The following LRRTM4 variants were observed in gnomAD, a reference collection of about 807,000 sequenced individuals.
LRRTM4 encodes leucine-rich repeat transmembrane neuronal protein 4.
LRRTM4 carries 25 observed loss-of-function variants against 47.6 expected under a neutral mutation model. The ratio of observed to expected loss-of-function variants is 0.53; its 90% CI spans 0.38 to 0.73. The LOEUF (loss-of-function observed/expected upper bound fraction) is 0.73, where lower values mean the gene tolerates loss of function less well. Ranked by LOEUF, LRRTM4 falls within the 30% of genes least tolerant of loss-of-function variation. The pLI, the probability that LRRTM4 is intolerant of heterozygous loss-of-function variation, is 0.00. For synonymous variants in LRRTM4, 311 were observed against 269.5 expected (o/e 1.15, Z -1.51); for missense variants, 638 against 713.4 (o/e 0.89, Z 1.20).
chr2:77,062,667 TTCTC>T (rs759073642), intron 3 of LRRTM4, among the ~76,000 whole-genome samples: 2 of 152,152 alleles, frequency 1.3e-5, no homozygotes, highest in African/African-American at 4.8e-5. Flanking sequence ...TTCCTTTTTT[TTCTC>T]TCTGTCTCTG....
At chr2:77,055,799 A>G (rs980063064) in intron 3 of LRRTM4, among the ~76,000 whole-genome samples, 1 of 151,948 alleles carries the variant, frequency 6.6e-6, no homozygotes, top group Non-Finnish European at 1.5e-5. Flanking sequence ...CCAAATGTCC[A>G]ACAATGATAG....
chr2:77,476,463 T>C (rs997492478), intron 3 of LRRTM4, among the ~76,000 whole-genome samples: 8 of 152,072 alleles, frequency 5.3e-5, no homozygotes, highest in East Asian at 1.9e-4. Context: ...TGTAAAATAT[T>C]AGAAATATAA....
At chr2:76,834,735 A>G (rs980345167) in intron 3 of LRRTM4, among the ~76,000 whole-genome samples, 1 of 152,132 alleles carries the variant, frequency 6.6e-6, no homozygotes, top group African/African-American at 2.4e-5. Flanking sequence ...TGAAGAAATG[A>G]TACACATAGA....
At chr2:76,901,666 A>T (rs1673638670) in intron 3 of LRRTM4, among the ~76,000 whole-genome samples, 1 of 152,156 alleles carries the variant, frequency 6.6e-6, no homozygotes, top group Non-Finnish European at 1.5e-5. Flanking sequence ...ATGACATGTT[A>T]CTGTCTGTAG....
At chr2:77,033,686 T>G (rs1004687138) in intron 3 of LRRTM4, among the ~76,000 whole-genome samples, 1 of 151,932 alleles carries the variant, frequency 6.6e-6, no homozygotes, top group Non-Finnish European at 1.5e-5. Context: ...AAAGTCAACA[T>G]AGAGCTAAGA....
chr2:76,967,752 T>A (rs775805134), intron 3 of LRRTM4, among the ~76,000 whole-genome samples: 1 of 151,620 alleles, frequency 6.6e-6, no homozygotes, highest in African/African-American at 2.4e-5. Context: ...CAGCTCAGAT[T>A]TCATTTATTT....
At chr2:77,422,924 C>T (rs1434320048) in intron 3 of LRRTM4, among the ~76,000 whole-genome samples, 2 of 151,836 alleles carry the variant, frequency 1.3e-5, no homozygotes, top group African/African-American at 2.4e-5. Flanking sequence ...CTATTTAATC[C>T]CTACTGTAGT....
chr2:77,382,089 T>A (rs767098029), intron 3 of LRRTM4, among the ~76,000 whole-genome samples: 11 of 152,060 alleles, frequency 7.2e-5, no homozygotes, highest in Non-Finnish European at 1.5e-4. Context: ...CCTAAAATTT[T>A]GTTCTTGTCT....
At chr2:76,876,512 G>C (rs922016140) in intron 3 of LRRTM4, among the ~76,000 whole-genome samples, 3 of 152,010 alleles carry the variant, frequency 2.0e-5, no homozygotes, top group African/African-American at 7.2e-5. Flanking sequence ...AAAAAGGATA[G>C]CATAATGAAT....
intron 3 of LRRTM4, among the ~76,000 whole-genome samples, chr2:76,840,549 A>G (rs1044987927): frequency 6.6e-6 from 1 of 152,236 alleles, no homozygotes; most frequent in Non-Finnish European, 1.5e-5. Flanking sequence ...TAGTCTTCAC[A>G]TGCAAAAGAT....
intron 3 of LRRTM4, among the ~76,000 whole-genome samples, chr2:76,995,089 A>G (rs1214986619): frequency 2.0e-5 from 3 of 152,102 alleles, no homozygotes. Flanking sequence ...CAGGAAACTG[A>G]ACTTTTAAAT....
chr2:76,922,990 T>A (rs532341057), intron 3 of LRRTM4, among the ~76,000 whole-genome samples: 33 of 152,234 alleles, frequency 2.2e-4, no homozygotes, highest in Admixed American at 2.0e-3. Flanking sequence ...TACTATAAAT[T>A]AGCTTATTTA....
intron 3 of LRRTM4, among the ~76,000 whole-genome samples, chr2:76,847,414 T>C (rs897431022): frequency 1.2e-4 from 18 of 152,142 alleles, no homozygotes; most frequent in Non-Finnish European, 1.9e-4. Flanking sequence ...TACAGTTTTT[T>C]CATGAGCCAA....
intron 3 of LRRTM4, among the ~76,000 whole-genome samples, chr2:77,034,062 G>C (rs575220606): frequency 1.3e-5 from 2 of 151,656 alleles, no homozygotes; most frequent in Admixed American, 1.3e-4. Context: ...TAAAGGTTCT[G>C]TTATGGCAAA....
intron 3 of LRRTM4, among the ~76,000 whole-genome samples, chr2:77,371,710 A>T (rs754784000): frequency 6.6e-6 from 1 of 151,364 alleles, no homozygotes; most frequent in Admixed American, 6.6e-5. Context: ...TCCTTTACAA[A>T]TCTTCAACTT....
At chr2:76,940,204 G>T (rs1675088532) in intron 3 of LRRTM4, among the ~76,000 whole-genome samples, 2 of 152,100 alleles carry the variant, frequency 1.3e-5, no homozygotes, top group African/African-American at 4.8e-5. Context: ...GTTCATGGCA[G>T]CCCTAATTGT....
chr2:77,480,218 T>G (rs535009782), intron 3 of LRRTM4, among the ~76,000 whole-genome samples: 30 of 150,834 alleles, frequency 2.0e-4, no homozygotes, highest in African/African-American at 7.1e-4. Context: ...ATTTGTTAAT[T>G]TCTACCTTAA....
At chr2:76,933,053 TA>T (rs1384663526) in intron 3 of LRRTM4, among the ~76,000 whole-genome samples, 1 of 152,158 alleles carries the variant, frequency 6.6e-6, no homozygotes, top group African/African-American at 2.4e-5. Context: ...CCTCACATCC[TA>T]TTTTTTTATG....
intron 3 of LRRTM4, among the ~76,000 whole-genome samples, chr2:77,151,092 G>A (rs549983238): frequency 2.8e-4 from 43 of 151,920 alleles, no homozygotes; most frequent in Non-Finnish European, 5.9e-5. Flanking sequence ...CACAATCAAG[G>A]TAATAGACTA....
Sources: gnomAD v4.1 joint callset for allele counts (sites outside exome capture counted in the v4.1 genomes callset) on GRCh38, gnomAD v4.1.1 for gene constraint, MANE v1.5 for transcripts, NCBI Gene and HGNC (gene_info 2026-07-23, HGNC 2026-07-21) for gene names.